Variants in CTNNA3 observed in about 807,000 individuals in gnomAD.
CTNNA3 encodes the protein catenin alpha 3.
Under a neutral mutation model 95.7 loss-of-function variants are expected in CTNNA3, and 76 were observed. The ratio of observed to expected loss-of-function variants is 0.79; its 90% confidence interval spans 0.66 to 0.96. The LOEUF (loss-of-function observed/expected upper bound fraction) is 0.96, where lower values mean the gene tolerates loss of function less well. Among genes scored for constraint, CTNNA3 ranks in the 40% least tolerant of loss-of-function variants. The probability of loss-of-function intolerance (pLI) is 0.00; values close to 1 mark genes in which losing one functional copy is unlikely to be tolerated. For missense variants in CTNNA3, 1,191 were observed against 1,089.8 expected, an observed-to-expected ratio of 1.09 and a Z score of -1.31; for synonymous variants, 431 against 374.4, an observed-to-expected ratio of 1.15 and a Z score of -1.74.
At chr10:66,031,413 G>A (rs1987313217) in intron 15 of CTNNA3, among the ~76,000 whole-genome samples, 1 of 152,176 alleles carries the variant, frequency 6.6e-6, no homozygotes, top group Non-Finnish European at 1.5e-5. Flanking sequence ...CAGCAACGTA[G>A]ATGCAGCTGG....
At chr10:67,125,728 C>T (rs994807158) in intron 7 of CTNNA3, among the ~76,000 whole-genome samples, 3 of 152,144 alleles carry the variant, frequency 2.0e-5, no homozygotes, top group African/African-American at 7.2e-5. Context: ...GATTGGTCTG[C>T]CAATTTGTAT....
chr10:67,187,084 C>T (rs992865672), intron 6 of CTNNA3, among the ~76,000 whole-genome samples: 1 of 151,904 alleles, frequency 6.6e-6, no homozygotes, highest in African/African-American at 2.4e-5. Flanking sequence ...TATTTTTCTT[C>T]CTACCACTTC....
chr10:66,224,513 C>T (rs2089159583), intron 13 of CTNNA3, among the ~76,000 whole-genome samples: 1 of 152,066 alleles, frequency 6.6e-6, no homozygotes, highest in Admixed American at 6.6e-5. Flanking sequence ...AAAATATTTG[C>T]TTTAAGGTAG....
intron 10 of CTNNA3, among the ~76,000 whole-genome samples, chr10:66,569,157 G>T (rs780858912): frequency 5.6e-4 from 85 of 152,130 alleles, no homozygotes; most frequent in Non-Finnish European, 6.3e-4. Context: ...AGAGAACAAA[G>T]GAGGCTGCCC....
At chr10:67,549,806 C>T (rs1462772953) in intron 3 of CTNNA3, among the ~76,000 whole-genome samples, 2 of 151,934 alleles carry the variant, frequency 1.3e-5, no homozygotes, top group African/African-American at 2.4e-5. Context: ...GGAACACAAC[C>T]ATAACTTTTT....
At chr10:66,763,358 A>G (rs1256725800) in intron 9 of CTNNA3, among the ~76,000 whole-genome samples, 15 of 151,676 alleles carry the variant, frequency 9.9e-5, no homozygotes, top group African/African-American at 2.4e-4. Flanking sequence ...AGAGAGGGAG[A>G]GAGAGAGAAA....
chr10:66,184,699 G>A (rs1021402754), intron 13 of CTNNA3, among the ~76,000 whole-genome samples: 1 of 152,034 alleles, frequency 6.6e-6, no homozygotes. Context: ...TATTTCCTTT[G>A]TATACTTTTA....
intron 9 of CTNNA3, among the ~76,000 whole-genome samples, chr10:66,671,983 C>T (rs1846677385): frequency 6.6e-6 from 1 of 152,114 alleles, no homozygotes; most frequent in Admixed American, 6.6e-5. Context: ...CAATGTTAGG[C>T]CCTAGACTGA....
At chr10:66,592,270 G>A (rs1226077734) in intron 10 of CTNNA3, among the ~76,000 whole-genome samples, 1 of 151,938 alleles carries the variant, frequency 6.6e-6, no homozygotes, top group Admixed American at 6.6e-5. Context: ...ATAAGATCAT[G>A]AAAAAAGTAT....
intron 5 of CTNNA3, among the ~76,000 whole-genome samples, chr10:67,412,769 C>A (rs796610617): frequency 2.7e-4 from 41 of 152,134 alleles, no homozygotes; most frequent in African/African-American, 8.7e-4. Context: ...AGCTTCATAA[C>A]TGAAGGAGAA....
intron 14 of CTNNA3, among the ~76,000 whole-genome samples, chr10:66,095,513 A>T (rs1436897768): frequency 6.6e-6 from 1 of 152,150 alleles, no homozygotes; most frequent in Non-Finnish European, 1.5e-5. Context: ...AATTCCGTAC[A>T]AATTTGAGTT....
intron 7 of CTNNA3, among the ~76,000 whole-genome samples, chr10:66,795,290 T>C (rs1841143208): frequency 6.6e-6 from 1 of 152,184 alleles, no homozygotes; most frequent in Non-Finnish European, 1.5e-5. Context: ...CCTTGATCCA[T>C]GGGTTACAGA....
In CTNNA3 at chr10:66,767,333, C is replaced by T. The variant is rs566635565; in HGVS notation, c.1129-917G>A. Among the ~76,000 whole-genome samples the T allele has an allele frequency of 4.6e-5, 7 of 151,812 alleles. No individual in the cohort carries two copies. The South Asian group carries it at 1.0e-3, about 23-fold the overall frequency. On this transcript the variant is annotated intron_variant, in intron 8 of 17. Transcript: ENST00000433211. ...TAGTGGCAGGCACCTGTACTCCCAG[C>T]TACTTGGGTGGCTGAGGCAGGAAAA...
chr10:66,280,501 T>TCC lies in CTNNA3; in HGVS notation c.1852_1853insGG (p.His618ArgfsTer9). The stretch of plus-strand genomic sequence containing the variant: ...CATCATGACTGAACATCTGATATCA[T>TCC]GAATTGTATCATAGATCTTCTTTGA... On this transcript the variant is annotated frameshift_variant, in exon 13 of 18. Coordinates refer to ENST00000433211, the MANE Select transcript of CTNNA3 (RefSeq NM_013266.4). LOFTEE classifies it high-confidence loss of function. 1 of 1,608,254 alleles carries TCC rather than the reference T, an allele frequency of 6.2e-7. No individual in the cohort carries two copies. The highest frequency in any genetic ancestry group is 8.5e-7 in the Non-Finnish European group (1 of 1,177,756).
intron 7 of CTNNA3, among the ~76,000 whole-genome samples, chr10:67,177,796 G>A (rs1466681016): frequency 6.6e-6 from 1 of 152,126 alleles, no homozygotes; most frequent in Non-Finnish European, 1.5e-5. Flanking sequence ...AGTTTTCCAG[G>A]TTGGTTCCTG....
chr10:66,412,420 A>AAAAGT (rs1305709203), intron 11 of CTNNA3, among the ~76,000 whole-genome samples: 2 of 151,912 alleles, frequency 1.3e-5, no homozygotes, highest in Non-Finnish European at 2.9e-5. Flanking sequence ...AGATAGCTTA[A>AAAAGT]AAAGTAGTAG....
intron 1 of CTNNA3, among the ~76,000 whole-genome samples, chr10:67,726,651 A>ATGATGTATT (rs1564841393): frequency 7.0e-5 from 5 of 71,624 alleles, no homozygotes; most frequent in South Asian, 4.6e-4. Flanking sequence ...TATATACTAT[A>ATGATGTATT]ATATATTATA....
chr10:66,661,956 A>G (rs1349700740), intron 9 of CTNNA3, among the ~76,000 whole-genome samples: 1 of 152,184 alleles, frequency 6.6e-6, no homozygotes, highest in East Asian at 1.9e-4. Context: ...AATTTCATGC[A>G]GCTTCAAAAA....
intron 5 of CTNNA3, among the ~76,000 whole-genome samples, chr10:67,269,635 C>T (rs1049379071): frequency 3.3e-5 from 5 of 152,004 alleles, no homozygotes; most frequent in Non-Finnish European, 7.4e-5. Flanking sequence ...TACTTATTTC[C>T]AAACAAGTGC....
Sources: gnomAD v4.1 joint callset for allele counts (sites outside exome capture counted in the v4.1 genomes callset) on GRCh38, gnomAD v4.1.1 for gene constraint, MANE v1.5 for transcripts, NCBI Gene and HGNC (gene_info 2026-07-23, HGNC 2026-07-21) for gene names.